The following ZNF618 variants were observed in gnomAD, a reference collection of about 807,000 sequenced individuals.
The protein encoded by ZNF618 is zinc finger protein 618, also known as neural precursor cell expressed, developmentally down-regulated 10.
Under a neutral mutation model 103.0 loss-of-function variants are expected in ZNF618, and 34 were observed. That is an observed-to-expected ratio of 0.33 (90% CI 0.25 to 0.44). ZNF618 has a LOEUF of 0.44. Among genes scored for constraint, ZNF618 ranks in the 20% least tolerant of loss-of-function variants. The pLI, the probability that ZNF618 is intolerant of heterozygous loss-of-function variation, is 1.00. For synonymous variants in ZNF618, 551 were observed against 542.2 expected, an observed-to-expected ratio of 1.02 and a Z score of -0.23; for missense variants, 1,059 against 1,295.4, an observed-to-expected ratio of 0.82 and a Z score of 2.80.
At chr9:114,047,641 C>A (rs936711357) in intron 13 of ZNF618, among the ~76,000 whole-genome samples, 1 of 152,130 alleles carries the variant, frequency 6.6e-6, no homozygotes, top group Non-Finnish European at 1.5e-5. Flanking sequence ...GTGCTCAGCT[C>A]TTCCTGGATT....
At chr9:113,886,678 A>G (rs1829097996) in intron 1 of ZNF618, among the ~76,000 whole-genome samples, 2 of 151,940 alleles carry the variant, frequency 1.3e-5, no homozygotes, top group African/African-American at 4.8e-5. Context: ...CCTTCGTTGG[A>G]ATTTGTTGTG....
At chr9:113,914,603 C>T (rs1399000457) in intron 1 of ZNF618, among the ~76,000 whole-genome samples, 1 of 152,174 alleles carries the variant, frequency 6.6e-6, no homozygotes, top group Non-Finnish European at 1.5e-5. Context: ...AGGGGAAGAG[C>T]TCTAAGGTGT....
intron 10 of ZNF618, among the ~76,000 whole-genome samples, chr9:114,021,337 C>A (rs995509787): frequency 2.0e-5 from 3 of 152,054 alleles, no homozygotes; most frequent in African/African-American, 7.2e-5. Flanking sequence ...ATCTAAATTA[C>A]TTAACGATCC....
intron 2 of ZNF618, among the ~76,000 whole-genome samples, chr9:113,984,526 A>C (rs1040995143): frequency 6.6e-6 from 1 of 152,190 alleles, no homozygotes; most frequent in Non-Finnish European, 1.5e-5. Flanking sequence ...CCTGGCTCCT[A>C]CAGCTCCTCC....
At chr9:113,941,565 T>G (rs993513487) in intron 1 of ZNF618, among the ~76,000 whole-genome samples, 1 of 152,212 alleles carries the variant, frequency 6.6e-6, no homozygotes, top group Non-Finnish European at 1.5e-5. Context: ...TGAGTTGGTT[T>G]GCATTTGAAT....
At chr9:113,877,093 G>T (rs745686064) in intron 1 of ZNF618, among the ~76,000 whole-genome samples, 10 of 151,478 alleles carry the variant, frequency 6.6e-5, no homozygotes, top group Non-Finnish European at 1.5e-4. Context: ...CTTTTTTCGG[G>T]TGAAAATTTT....
chr9:113,958,469 A>G (rs929033131), intron 1 of ZNF618, among the ~76,000 whole-genome samples: 1 of 152,166 alleles, frequency 6.6e-6, no homozygotes, highest in African/African-American at 2.4e-5. Context: ...GAAGCCCTTT[A>G]TGTTGAGTTG....
In ZNF618 at chr9:114,008,517, G is replaced by A. The variant is rs756615935; in HGVS notation, c.717G>A (p.Lys239=). The A allele has an allele frequency of 6.2e-7, 1 of 1,614,000 alleles. No individual in the cohort carries two copies. ...GTGTCGTGGCCACGGACGAGGTGAAGGAGGAGCCCCCGGAGCCATTCCAGA... is the reference window on the plus strand; with the variant it reads ...GTGTCGTGGCCACGGACGAGGTGAAAGAGGAGCCCCCGGAGCCATTCCAGA... ...DQGVVATDEV[K]EEPPEPFQKI... is the part of the protein sequence containing the mutation. Residue 239 remains lysine, a synonymous_variant, in exon 9 of 15, where the codon AAG becomes AAA. Coordinates refer to ENST00000374126, the MANE Select transcript of ZNF618 (RefSeq NM_001318042.2).
chr9:113,950,648 G>T (rs1360779285), intron 1 of ZNF618, among the ~76,000 whole-genome samples: 2 of 152,164 alleles, frequency 1.3e-5, no homozygotes, highest in African/African-American at 4.8e-5. Context: ...AATAAGCCTT[G>T]GTCTCTGCCT....
At chr9:113,888,183 C>G (rs1829253874) in intron 1 of ZNF618, among the ~76,000 whole-genome samples, 1 of 152,204 alleles carries the variant, frequency 6.6e-6, no homozygotes, top group Non-Finnish European at 1.5e-5. Flanking sequence ...GGTGTTGAAT[C>G]TTACCATTCC....
chr9:113,883,406 A>G (rs1441180777), intron 1 of ZNF618, among the ~76,000 whole-genome samples: 1 of 152,196 alleles, frequency 6.6e-6, no homozygotes, highest in Non-Finnish European at 1.5e-5. Flanking sequence ...CCTGATTTGC[A>G]GGTATGGTGA....
At chr9:114,012,040 A>G (rs1170425725) in intron 9 of ZNF618, among the ~76,000 whole-genome samples, 1 of 151,836 alleles carries the variant, frequency 6.6e-6, no homozygotes, top group African/African-American at 2.4e-5. Context: ...AAAAAAAGAG[A>G]GAACTATGTA....
chr9:113,940,985 C>G (rs1376641469), intron 1 of ZNF618, among the ~76,000 whole-genome samples: 1 of 151,818 alleles, frequency 6.6e-6, no homozygotes, highest in East Asian at 1.9e-4. Context: ...GATTTTTTTT[C>G]CTAGCCTATC....
intron 4 of ZNF618, among the ~76,000 whole-genome samples, chr9:114,001,713 G>A (rs1460786924): frequency 1.3e-5 from 2 of 152,168 alleles, no homozygotes; most frequent in African/African-American, 4.8e-5. Context: ...CAAGGTGTAG[G>A]GCTGAGAATT....
chr9:113,951,223 C>G (rs117698291), intron 1 of ZNF618, among the ~76,000 whole-genome samples: 1 of 150,678 alleles, frequency 6.6e-6, no homozygotes, highest in African/African-American at 2.4e-5. Context: ...TCTGTGCTTC[C>G]CTTTCCTCAT....
intron 2 of ZNF618, among the ~76,000 whole-genome samples, chr9:113,976,601 G>C (rs1838492636): frequency 1.3e-5 from 2 of 152,104 alleles, no homozygotes; most frequent in South Asian, 4.2e-4. Context: ...GATCACTCCT[G>C]CCTGGCTGTC....
rs546095740 is a variant in ZNF618, at chr9:113,921,572, A to G, written c.33+45159A>G. 7.2e-5 allele frequency among the ~76,000 whole-genome samples: 11 copies of G among 152,334 alleles called. No homozygotes were observed. The South Asian group carries it at 2.3e-3, about 32-fold the overall frequency. The stretch of plus-strand genomic sequence containing the variant: ...ATCTGAAGATGAAACCCCGGAGGCA[A>G]ACAGAGTTAGGAGTCACTGAGCTTG... On this transcript the variant is annotated intron_variant, in intron 1 of 14. Coordinates refer to ENST00000374126, the MANE Select transcript of ZNF618 (RefSeq NM_001318042.2).
intron 10 of ZNF618, among the ~76,000 whole-genome samples, chr9:114,019,313 T>C (rs983527020): frequency 1.3e-5 from 2 of 152,242 alleles, no homozygotes; most frequent in Admixed American, 1.3e-4. Context: ...AATGCTTATA[T>C]GAGGATTTTG....
intron 1 of ZNF618, among the ~76,000 whole-genome samples, chr9:113,918,484 A>G (rs1334269765): frequency 1.3e-5 from 2 of 152,204 alleles, no homozygotes; most frequent in Non-Finnish European, 2.9e-5. Flanking sequence ...GGTGTTTGCC[A>G]AATAGTGATT....
Sources: allele counts gnomAD v4.1 joint callset (sites outside exome capture counted in the v4.1 genomes callset), GRCh38; gene constraint gnomAD v4.1.1; transcripts MANE v1.5; gene names NCBI Gene and HGNC (gene_info 2026-07-23, HGNC 2026-07-21).